The following TIAM1 variants were observed in gnomAD, a reference collection of about 807,000 sequenced individuals.
TIAM1 encodes the protein TIAM Rac1 associated GEF 1.
A neutral mutation model predicts 163.5 loss-of-function variants in TIAM1; 65 were observed. That is an observed-to-expected ratio of 0.40 (90% CI 0.33 to 0.49). The LOEUF is 0.49. Ranked by LOEUF, TIAM1 falls within the 20% of genes least tolerant of loss-of-function variation. The pLI is 0.77. For missense variants in TIAM1, 1,789 were observed against 2,044.7 expected, an observed-to-expected ratio of 0.87 and a Z score of 2.41; for synonymous variants, 833 against 810.1, an observed-to-expected ratio of 1.03 and a Z score of -0.48.
chr21:31,379,307 G>A (rs565616261), intron 2 of TIAM1, among the ~76,000 whole-genome samples: 14 of 152,294 alleles, frequency 9.2e-5, no homozygotes, highest in Non-Finnish European at 1.9e-4. Flanking sequence ...AGCAGCCATG[G>A]ATTTTAGTAT....
intron 2 of TIAM1, among the ~76,000 whole-genome samples, chr21:31,381,546 T>C (rs1454558883): frequency 6.6e-6 from 1 of 152,130 alleles, no homozygotes; most frequent in Non-Finnish European, 1.5e-5. Flanking sequence ...TACACGCCTG[T>C]ACTCCCAGCT....
At chr21:31,320,704 G>C (rs939875891) in intron 2 of TIAM1, among the ~76,000 whole-genome samples, 8 of 152,164 alleles carry the variant, frequency 5.3e-5, no homozygotes, top group African/African-American at 1.2e-4. Flanking sequence ...TGAAAAAAAG[G>C]AGAGTTGGGC....
chr21:31,523,705 C>T (rs1392064959), intron 1 of TIAM1, among the ~76,000 whole-genome samples: 4 of 152,194 alleles, frequency 2.6e-5, no homozygotes, highest in African/African-American at 9.6e-5. Context: ...GGGCAGATCA[C>T]CCGAGGTCAG....
intron 2 of TIAM1, among the ~76,000 whole-genome samples, chr21:31,378,082 G>C (rs1320143276): frequency 6.7e-6 from 1 of 148,220 alleles, no homozygotes; most frequent in Non-Finnish European, 1.5e-5. Flanking sequence ...GTTGCAGTGA[G>C]CTGAGGTCAT....
At chr21:31,202,775 A>C in intron 12 of TIAM1, 133 bp downstream of exon 12, 1 of 813,498 alleles carries the variant, frequency 1.2e-6, no homozygotes, top group Non-Finnish European at 1.9e-6. Flanking sequence ...ATCTCCACCA[A>C]CTTAAGGGCT....
At chr21:31,532,951 T>C (rs1602506289) in intron 1 of TIAM1, among the ~76,000 whole-genome samples, 1 of 152,146 alleles carries the variant, frequency 6.6e-6, no homozygotes, top group East Asian at 1.9e-4. Flanking sequence ...TAAATAAATA[T>C]ACCTACCCTA....
chr21:31,178,602 G>A (rs557958986), intron 15 of TIAM1, among the ~76,000 whole-genome samples: 3 of 151,518 alleles, frequency 2.0e-5, no homozygotes, highest in African/African-American at 4.8e-5. Flanking sequence ...CACTGAGCCC[G>A]GCCAGGAATT....
chr21:31,208,748 T>C (rs768359117), intron 11 of TIAM1, among the ~76,000 whole-genome samples: 29 of 152,238 alleles, frequency 1.9e-4, no homozygotes, highest in Non-Finnish European at 3.2e-4. Flanking sequence ...TGAAGAGCCA[T>C]GTTTTTTCTT....
chr21:31,288,462 A>G (rs1190902418), intron 2 of TIAM1, among the ~76,000 whole-genome samples: 1 of 152,244 alleles, frequency 6.6e-6, no homozygotes, highest in East Asian at 1.9e-4. Context: ...TCCTGATAGA[A>G]AGGGCAAACA....
intron 2 of TIAM1, among the ~76,000 whole-genome samples, chr21:31,312,568 CT>C (rs966454998): frequency 2.0e-5 from 3 of 152,144 alleles, no homozygotes; most frequent in Admixed American, 1.3e-4. Context: ...TATTTCTCTT[CT>C]TAAGAAACAT....
chr21:31,266,499 A>T lies in TIAM1; in HGVS notation c.474T>A (p.Thr158=), dbSNP rs1329960974. ...TCTTAAAGCTCGCCGTCTCCATGAA[A>T]GTGGGCCCATTGGATGTATAGGAAT... ...RQHSYTSNGP[T]FMETASFKKK... is the part of the protein sequence containing the mutation. The change falls in exon 4 of 28, where the codon ACT becomes ACA. Residue 158 remains threonine (T), a synonymous_variant. Transcript: ENST00000541036. 9 of 1,614,058 alleles carry T rather than the reference A, an allele frequency of 5.6e-6. No homozygotes were observed. Among genetic ancestry groups the T allele is most frequent in the Admixed American group, 1.7e-5 (1 of 59,996 alleles).
At chr21:31,372,673 T>C (rs1457839654) in intron 2 of TIAM1, among the ~76,000 whole-genome samples, 1 of 152,130 alleles carries the variant, frequency 6.6e-6, no homozygotes, top group South Asian at 2.1e-4. Flanking sequence ...CAACATGACA[T>C]AAAAGATACA....
intron 15 of TIAM1, among the ~76,000 whole-genome samples, chr21:31,169,330 A>T (rs1443870922): frequency 8.9e-6 from 1 of 112,800 alleles, no homozygotes; most frequent in Non-Finnish European, 2.4e-5. Context: ...AAACAGAAGA[A>T]GAAAGAGATA....
chr21:31,210,799 A>AAAGG (rs2086840902), intron 10 of TIAM1, among the ~76,000 whole-genome samples: 1 of 145,010 alleles, frequency 6.9e-6, no homozygotes, highest in African/African-American at 2.7e-5. Context: ...AGAAAGAAAG[A>AAAGG]AAGAAAGAAA....
chr21:31,307,559 A>G (rs1393579017), intron 2 of TIAM1, among the ~76,000 whole-genome samples: 1 of 152,222 alleles, frequency 6.6e-6, no homozygotes, highest in Non-Finnish European at 1.5e-5. Context: ...ACTCTGTGGC[A>G]GTATCACACT....
chr21:31,141,650 A>T lies in TIAM1; in HGVS notation c.3476-146T>A. 3 of 795,098 alleles carry T rather than the reference A, an allele frequency of 3.8e-6. No individual in the cohort carries two copies. Among genetic ancestry groups the T allele is most frequent in the Non-Finnish European group, 5.9e-6 (3 of 510,228 alleles). 49.3% of individuals were successfully genotyped at this position (795,098 alleles called of 1,614,324 possible). The stretch of plus-strand genomic sequence containing the variant: ...TGGCAGGAAGAGGGACAGGTAGGGG[A>T]GGGGGCAGTCAGGGAGACCACAGGC... On this transcript the variant is annotated intron_variant, in intron 20 of 27. Transcript: ENST00000541036. This position sits in a 1 kb window ranked among gnomAD's most constrained non-coding sequence, Gnocchi z 4.7.
At chr21:31,129,659 C>A (rs545441571) in intron 25 of TIAM1, among the ~76,000 whole-genome samples, 3 of 152,122 alleles carry the variant, frequency 2.0e-5, no homozygotes, top group Non-Finnish European at 2.9e-5. Context: ...TGGAATGAGA[C>A]CCCATCTTTA....
At chr21:31,394,728 T>TCTCGCTCTCACA (rs1279053911) in intron 2 of TIAM1, among the ~76,000 whole-genome samples, 2 of 95,704 alleles carry the variant, frequency 2.1e-5, no homozygotes, top group African/African-American at 4.1e-5. Flanking sequence ...TCTCTCTCTC[T>TCTCGCTCTCACA]CACACACACA....
At chr21:31,483,578 G>C (rs1228505279) in intron 1 of TIAM1, among the ~76,000 whole-genome samples, 3 of 152,088 alleles carry the variant, frequency 2.0e-5, no homozygotes, top group Admixed American at 2.0e-4. Flanking sequence ...AGGATCCCAA[G>C]GGGCCAAGAT....
Sources: allele counts gnomAD v4.1 joint callset (sites outside exome capture counted in the v4.1 genomes callset), GRCh38; gene constraint gnomAD v4.1.1; non-coding constraint Gnocchi (gnomAD v3.1); transcripts MANE v1.5; gene names NCBI Gene and HGNC (gene_info 2026-07-23, HGNC 2026-07-21).